HHIPL1: variants seen among roughly 807,000 people sequenced by gnomAD.
HHIPL1 encodes HHIP like 1, also known as HHIP-like protein 1.
Under a neutral mutation model 61.8 loss-of-function variants are expected in HHIPL1, and 43 were observed. That is an observed-to-expected ratio of 0.70 (90% CI 0.55 to 0.90). HHIPL1 has a LOEUF of 0.90. Among genes scored for constraint, HHIPL1 ranks in the 40% least tolerant of loss-of-function variants. The pLI is 0.00. For synonymous variants in HHIPL1, 482 were observed against 515.8 expected, an observed-to-expected ratio of 0.93 and a Z score of 0.89; for missense variants, 1,056 against 1,157.7, an observed-to-expected ratio of 0.91 and a Z score of 1.28.
chr14:99,610,955 A>G, the HHIPL1 span, among the ~76,000 whole-genome samples: 2 of 152,202 alleles, frequency 1.3e-5, no homozygotes, highest in Non-Finnish European at 2.9e-5. Context: ...ATTGTAGGAC[A>G]TTCACCAGCA....
the HHIPL1 span, among the ~76,000 whole-genome samples, chr14:99,630,691 C>T: frequency 7.9e-5 from 12 of 152,116 alleles, no homozygotes; most frequent in African/African-American, 2.2e-4. Context: ...TGCGGCCTCC[C>T]GGTCACACAG....
intron 3 of HHIPL1, 94 bp from the exon 4 acceptor site, chr14:99,659,334 G>A (rs1161214453): frequency 9.8e-7 from 1 of 1,022,606 alleles, no homozygotes; most frequent in Non-Finnish European, 1.3e-6. Context: ...ACCTGGCTCA[G>A]CGGTCAGCCG....
chr14:99,624,315 G>A, the HHIPL1 span, among the ~76,000 whole-genome samples: 1 of 152,298 alleles, frequency 6.6e-6, no homozygotes, highest in East Asian at 1.9e-4. Flanking sequence ...CAGCTCTGTG[G>A]CCTGAGCAGT....
chr14:99,675,337 G>C lies in HHIPL1; in HGVS notation c.2060G>C (p.Arg687Pro). The C allele has an allele frequency of 6.9e-7, 1 of 1,454,482 alleles. No individual in the cohort carries two copies. The highest frequency in any genetic ancestry group is 1.4e-5 in the South Asian group (1 of 72,014). 90.1% of individuals were successfully genotyped at this position (1,454,482 alleles called of 1,614,324 possible). Residue 687 changes from arginine to proline, a missense_variant, in exon 9 of 9, where the codon CGC (arginine) becomes CCC (proline). Physicochemically the swap from Arg to Pro is moderately radical, Grantham distance 103. Transcript: ENST00000330710. The surrounding 1 kb of genome is among the most constrained non-coding windows in gnomAD (Gnocchi z 5.4). ...RPAGLSSGSG[R>P]VEVFVGGRWG... Reference sequence around the variant, plus strand: ...GCGGGCCTGAGCTCTGGCAGCGGGCGCGTGGAGGTGTTCGTGGGCGGACGC... The same window carrying C: ...GCGGGCCTGAGCTCTGGCAGCGGGCCCGTGGAGGTGTTCGTGGGCGGACGC...
chr14:99,615,100 G>A, the HHIPL1 span, among the ~76,000 whole-genome samples: 1 of 152,034 alleles, frequency 6.6e-6, no homozygotes, highest in Non-Finnish European at 1.5e-5. Flanking sequence ...AAACTAGAAG[G>A]TCATGAAGCG....
the HHIPL1 span, among the ~76,000 whole-genome samples, chr14:99,639,981 C>T: frequency 2.0e-5 from 3 of 152,178 alleles, no homozygotes; most frequent in Admixed American, 1.3e-4. Flanking sequence ...TTTTAATTCA[C>T]TCTGACAATC....
At chr14:99,626,003 C>T in the HHIPL1 span, among the ~76,000 whole-genome samples, 1,738 of 152,260 alleles carry the variant, frequency 0.011, 39 homozygotes, top group African/African-American at 0.04. Flanking sequence ...GTCTGGCCCA[C>T]ATCCACACTA....
intron 7 of HHIPL1, among the ~76,000 whole-genome samples, 168 bp from the exon 8 acceptor site, chr14:99,672,149 C>T (rs2056332216): frequency 6.6e-6 from 1 of 152,222 alleles, no homozygotes; most frequent in South Asian, 2.1e-4. Context: ...CTCTTAGAAT[C>T]CTGGGGGCAT....
the HHIPL1 span, among the ~76,000 whole-genome samples, chr14:99,630,848 C>T: frequency 6.6e-6 from 1 of 152,140 alleles, no homozygotes; most frequent in African/African-American, 2.4e-5. Context: ...TCTCTCCTGG[C>T]CTATGGGGGC....
upstream of HHIPL1, among the ~76,000 whole-genome samples, chr14:99,640,874 C>CTTTTT (rs1178661799): frequency 1.1e-4 from 10 of 93,930 alleles, no homozygotes; most frequent in African/African-American, 3.0e-4. Context: ...TTTACTTCTT[C>CTTTTT]TTCTTTTTTT....
chr14:99,617,793 C>T, the HHIPL1 span, among the ~76,000 whole-genome samples: 1 of 152,158 alleles, frequency 6.6e-6, no homozygotes, highest in African/African-American at 2.4e-5. Flanking sequence ...TGGTCAGGCC[C>T]TCAGTTTCCC....
At chr14:99,636,221 C>T in the HHIPL1 span, among the ~76,000 whole-genome samples, 2 of 151,716 alleles carry the variant, frequency 1.3e-5, no homozygotes, top group East Asian at 1.9e-4. Flanking sequence ...GAATACTTGC[C>T]GCTGAGTCCG....
intron 6 of HHIPL1, among the ~76,000 whole-genome samples, chr14:99,665,950 T>A (rs2056238432): frequency 6.6e-6 from 1 of 151,802 alleles, no homozygotes; most frequent in Admixed American, 6.6e-5. Context: ...CCTGGCTAAT[T>A]TTTGTATTTT....
chr14:99,672,476 C>G, intron 8 of HHIPL1, 77 bp downstream of exon 8: 1 of 1,263,726 alleles, frequency 7.9e-7, no homozygotes, highest in Non-Finnish European at 1.1e-6. Flanking sequence ...TCCAGCCAGA[C>G]TCGGGTCTTA....
chr14:99,635,534 C>A, the HHIPL1 span, among the ~76,000 whole-genome samples: 755 of 152,202 alleles, frequency 5.0e-3, 12 homozygotes, highest in African/African-American at 0.017. Flanking sequence ...CTGCTTGGGC[C>A]GTCAGGGGTT....
Position 99,675,340 on chromosome 14 carries a change from T to C in HHIPL1, c.2063T>C (p.Val688Ala), listed in dbSNP as rs886203357. Reference sequence around the variant, plus strand: ...GGCCTGAGCTCTGGCAGCGGGCGCGTGGAGGTGTTCGTGGGCGGACGCTGG... The same window carrying C: ...GGCCTGAGCTCTGGCAGCGGGCGCGCGGAGGTGTTCGTGGGCGGACGCTGG... Reference protein sequence around the residue: ...PAGLSSGSGRVEVFVGGRWGT... With the variant: ...PAGLSSGSGRAEVFVGGRWGT... Residue 688 changes from valine (V) to alanine (A), a missense_variant, in exon 9 of 9, where the codon GTG (valine) becomes GCG (alanine). Transcript: ENST00000330710. This position sits in a 1 kb window ranked among gnomAD's most constrained non-coding sequence, Gnocchi z 5.4. The C allele has an allele frequency of 2.1e-6, 3 of 1,460,810 alleles. No individual in the cohort carries two copies. Among genetic ancestry groups the C allele is most frequent in the African/African-American group, 2.9e-5 (2 of 68,806 alleles). 90.5% of individuals were successfully genotyped at this position (1,460,810 alleles called of 1,614,324 possible).
At chr14:99,628,590 A>G in the HHIPL1 span, among the ~76,000 whole-genome samples, 1 of 151,560 alleles carries the variant, frequency 6.6e-6, no homozygotes. Context: ...TCAAAAAAAA[A>G]AAAAAAGAAA....
At chr14:99,606,855 T>C in the HHIPL1 span, among the ~76,000 whole-genome samples, 3 of 151,546 alleles carry the variant, frequency 2.0e-5, no homozygotes, top group African/African-American at 7.3e-5. Flanking sequence ...CCAGAGGAGG[T>C]GAGAGGGCCC....
chr14:99,612,695 T>C, the HHIPL1 span, among the ~76,000 whole-genome samples: 1 of 151,708 alleles, frequency 6.6e-6, no homozygotes, highest in African/African-American at 2.4e-5. Context: ...GATATGGGGG[T>C]GTTTCTGTCT....
Sources: allele counts gnomAD v4.1 joint callset (sites outside exome capture counted in the v4.1 genomes callset), GRCh38; gene constraint gnomAD v4.1.1; non-coding constraint Gnocchi (gnomAD v3.1); transcripts MANE v1.5; gene names NCBI Gene and HGNC (gene_info 2026-07-23, HGNC 2026-07-21).